RAP1GAP2: variants seen among roughly 807,000 people sequenced by gnomAD.
The protein encoded by RAP1GAP2 is RAP1 GTPase activating protein 2.
RAP1GAP2 carries 27 observed loss-of-function variants against 95.0 expected under a neutral mutation model. The observed-to-expected ratio is 0.28, with a 90% CI of 0.21 to 0.39. The LOEUF (loss-of-function observed/expected upper bound fraction) is 0.39. RAP1GAP2 is among the 10% of genes least tolerant of loss of function. RAP1GAP2 has a pLI of 1.00. For missense variants in RAP1GAP2, 771 were observed against 970.0 expected (o/e 0.79, Z 2.72); for synonymous variants, 373 against 380.9 (o/e 0.98, Z 0.24).
intron 22 of RAP1GAP2, 61 bp from the exon 23 acceptor site, chr17:3,030,861 A>G: frequency 6.7e-7 from 1 of 1,485,136 alleles, no homozygotes; most frequent in Non-Finnish European, 9.2e-7. Flanking sequence ...GCCAGTCCCC[A>G]CACACAGCCC....
intron 2 of RAP1GAP2, among the ~76,000 whole-genome samples, chr17:2,865,100 A>C (rs2072569017): frequency 6.6e-6 from 1 of 152,156 alleles, no homozygotes; most frequent in Non-Finnish European, 1.5e-5. Context: ...CTGGGATTCC[A>C]ATCTGTCTGG....
intron 1 of RAP1GAP2, among the ~76,000 whole-genome samples, chr17:2,778,633 A>C (rs1439202033): frequency 1.3e-5 from 2 of 152,152 alleles, no homozygotes; most frequent in African/African-American, 4.8e-5. Context: ...TGGCAGGGTC[A>C]CATAGTGGCT....
intron 2 of RAP1GAP2, among the ~76,000 whole-genome samples, chr17:2,882,875 G>C (rs1372796329): frequency 1.3e-5 from 2 of 152,262 alleles, no homozygotes; most frequent in Non-Finnish European, 2.9e-5. Context: ...CATGTCCCCA[G>C]CGGCTAGCGC....
rs1367337384 is a variant in RAP1GAP2 at position 2,925,060 on chromosome 17, G to C, written c.165+19692G>C. Among the ~76,000 whole-genome samples, 3 of 152,354 alleles carry C rather than the reference G, an allele frequency of 2.0e-5. No homozygotes were observed. The East Asian group carries it at 5.8e-4, about 29-fold the overall frequency. On this transcript the variant is annotated intron_variant, in intron 3 of 24. Coordinates refer to ENST00000254695, the MANE Select transcript of RAP1GAP2 (RefSeq NM_015085.5). Reference sequence around the variant, plus strand: ...TGTATGTGAGTGCCCCTTGGCGGTGGTCAGTTCCGTGGTCTGGAGAGCTGG... The same window carrying C: ...TGTATGTGAGTGCCCCTTGGCGGTGCTCAGTTCCGTGGTCTGGAGAGCTGG...
At chr17:2,845,152 T>G (rs2071532521) in intron 2 of RAP1GAP2, among the ~76,000 whole-genome samples, 1 of 152,174 alleles carries the variant, frequency 6.6e-6, no homozygotes, top group Non-Finnish European at 1.5e-5. Flanking sequence ...TGTTGTTGTT[T>G]TTTGTTTTGA....
intron 8 of RAP1GAP2, among the ~76,000 whole-genome samples, chr17:2,970,333 A>G (rs949904620): frequency 1.3e-5 from 2 of 151,904 alleles, no homozygotes; most frequent in Non-Finnish European, 2.9e-5. Context: ...ACCATTGCCA[A>G]TATTTTGGTA....
chr17:2,891,753 C>A (rs2073723211), intron 2 of RAP1GAP2, among the ~76,000 whole-genome samples: 1 of 149,764 alleles, frequency 6.7e-6, no homozygotes, highest in East Asian at 1.9e-4. Context: ...AACATCATTG[C>A]CTACTAGATT....
intron 8 of RAP1GAP2, among the ~76,000 whole-genome samples, chr17:2,976,783 C>G (rs978644882): frequency 1.1e-4 from 17 of 151,986 alleles, no homozygotes; most frequent in African/African-American, 4.1e-4. Flanking sequence ...ACTAGTCTTT[C>G]AAAAGACTAG....
At chr17:2,780,202 C>G (rs768528209) in intron 1 of RAP1GAP2, among the ~76,000 whole-genome samples, 1 of 152,192 alleles carries the variant, frequency 6.6e-6, no homozygotes, top group Non-Finnish European at 1.5e-5. Context: ...AGGCGTGCGC[C>G]ACCACGTCCT....
chr17:2,848,801 A>G (rs1054389383), intron 2 of RAP1GAP2, among the ~76,000 whole-genome samples: 3 of 152,194 alleles, frequency 2.0e-5, no homozygotes, highest in African/African-American at 7.2e-5. Context: ...GGCGTGAGCC[A>G]CCGCACCCGG....
Position 2,963,926 on chromosome 17 carries a change from C to T in RAP1GAP2, c.350C>T (p.Pro117Leu), listed in dbSNP as rs776769717. The change falls in exon 7 of 25, where the codon CCG becomes CTG. Residue 117 changes from proline to leucine, a missense_variant. Coordinates refer to ENST00000254695, the MANE Select transcript of RAP1GAP2 (RefSeq NM_015085.5). The surrounding 1 kb of genome is among the most constrained non-coding windows in gnomAD (Gnocchi z 4.8). ...PQFGGYWIED[P>L]ENVGTPTSLG... The stretch of plus-strand genomic sequence containing the variant: ...TTTGGGGGCTATTGGATCGAGGACC[C>T]GGAGAACGTGGGCACCCCAACATCG... 2.1e-5 allele frequency: 34 copies of T among 1,613,286 alleles called. No individual in the cohort carries two copies. The highest frequency in any genetic ancestry group is 4.0e-5 in the African/African-American group (3 of 74,962).
At chr17:2,981,073 C>T in intron 9 of RAP1GAP2, 122 bp from the exon 10 acceptor site, 1 of 831,172 alleles carries the variant, frequency 1.2e-6, no homozygotes, top group Non-Finnish European at 1.9e-6. Flanking sequence ...GTCAGAATCC[C>T]CGCCCAGGCC....
At chr17:2,882,098 G>A (rs1351999244) in intron 2 of RAP1GAP2, among the ~76,000 whole-genome samples, 1 of 149,638 alleles carries the variant, frequency 6.7e-6, no homozygotes, top group African/African-American at 2.5e-5. Flanking sequence ...GGGATTACAG[G>A]CATGAGCCAC....
chr17:2,776,528 C>T (rs1052749510), upstream of RAP1GAP2, among the ~76,000 whole-genome samples: 1 of 152,072 alleles, frequency 6.6e-6, no homozygotes, highest in Non-Finnish European at 1.5e-5. Flanking sequence ...TACCCCCTGC[C>T]ACCGCCTCCC....
rs993258675 is a variant in RAP1GAP2 at position 2,940,407 on chromosome 17, G to A, written c.166-17352G>A. On this transcript the variant is annotated intron_variant, in intron 3 of 24. Transcript: ENST00000254695. The stretch of plus-strand genomic sequence containing the variant: ...TGGGAAGGCTTCTCGGCTCCCTGCC[G>A]GGGCCCGAGGGAACCCACTGCCAGC... 6.6e-5 allele frequency among the ~76,000 whole-genome samples: 10 copies of A among 152,360 alleles called. No individual in the cohort carries two copies. The East Asian group carries it at 1.7e-3, about 26-fold the overall frequency.
At chr17:2,873,456 T>C (rs1402618726) in intron 2 of RAP1GAP2, among the ~76,000 whole-genome samples, 1 of 81,832 alleles carries the variant, frequency 1.2e-5, no homozygotes. Flanking sequence ...GCCAGGGTAA[T>C]AGAATGAGAC....
At chr17:2,859,897 G>A (rs1459433439) in intron 2 of RAP1GAP2, among the ~76,000 whole-genome samples, 3 of 151,978 alleles carry the variant, frequency 2.0e-5, no homozygotes, top group African/African-American at 7.2e-5. Context: ...TAGTTCTAGA[G>A]GCACCATCAG....
intron 1 of RAP1GAP2, among the ~76,000 whole-genome samples, chr17:2,759,792 G>T (rs1227607095): frequency 1.3e-5 from 2 of 152,028 alleles, no homozygotes; most frequent in Non-Finnish European, 2.9e-5. Flanking sequence ...TCACCATGTT[G>T]CCCAGGCTGG....
chr17:3,028,784 A>T (rs1231655866), intron 22 of RAP1GAP2, among the ~76,000 whole-genome samples: 1 of 152,108 alleles, frequency 6.6e-6, no homozygotes, highest in Non-Finnish European at 1.5e-5. Flanking sequence ...CATCTGTAAA[A>T]GGGGGTGGAA....
Sources: gnomAD v4.1 joint callset for allele counts (sites outside exome capture counted in the v4.1 genomes callset) on GRCh38, gnomAD v4.1.1 for gene constraint, Gnocchi (gnomAD v3.1) non-coding constraint, MANE v1.5 for transcripts, NCBI Gene and HGNC (gene_info 2026-07-23, HGNC 2026-07-21) for gene names.